Variants in ECHDC2 observed in about 807,000 individuals in gnomAD.
The protein encoded by ECHDC2 is enoyl-CoA hydratase domain-containing protein 2, mitochondrial.
In ECHDC2, 34 loss-of-function variants were observed where a neutral mutation model predicts 40.6. The ratio of observed to expected loss-of-function variants is 0.84; its 90% confidence interval spans 0.64 to 1.11. The LOEUF (loss-of-function observed/expected upper bound fraction) is 1.11, where lower values mean the gene tolerates loss of function less well. Among genes scored for constraint, ECHDC2 ranks in the 50% most tolerant of loss-of-function variants. The probability of loss-of-function intolerance (pLI) is 0.00; values close to 1 mark genes in which losing one functional copy is unlikely to be tolerated. For missense variants in ECHDC2, 392 were observed against 400.7 expected (o/e 0.98, Z 0.19); for synonymous variants, 162 against 166.6 (o/e 0.97, Z 0.21).
rs765862095 is a variant in ECHDC2 at position 52,921,666 on chromosome 1, C to G, written c.8G>C (p.Arg3Pro). The G allele has an allele frequency of 2.2e-5, 35 of 1,570,718 alleles. No individual in the cohort carries two copies. Among genetic ancestry groups the G allele is most frequent in the Non-Finnish European group, 2.9e-5 (34 of 1,160,420 alleles). ...CCAGGGGCGCAGGAGGCACAGAACG[C>G]GCAGCATCGGGGCGCAGGCTGGGAG... ML[R>P]VLCLLRPWRP... The change falls in exon 1 of 10, where the codon CGC (arginine) becomes CCC (proline). Residue 3 changes from arginine (R) to proline (P), a missense_variant. Transcript: ENST00000371522.
At chr1:52,901,717 T>A (rs1032317534) in intron 7 of ECHDC2, 2 of 152,200 alleles carry the variant, frequency 1.3e-5, no homozygotes, top group Non-Finnish European at 2.9e-5. Context: ...CCAGTACTTG[T>A]TTTTGGTAGA....
intron 7 of ECHDC2, among the ~76,000 whole-genome samples, chr1:52,903,429 T>G (rs535213411): frequency 1.3e-5 from 2 of 152,020 alleles, no homozygotes; most frequent in East Asian, 2.0e-4. Context: ...GTTTTTTGGT[T>G]GTTTTTTTTG....
At chr1:52,921,424 G>C (rs1015063353) in intron 1 of ECHDC2, 129 bp downstream of exon 1, 21 of 1,431,566 alleles carry the variant, frequency 1.5e-5, no homozygotes, top group Admixed American at 5.5e-5. Context: ...GGTTTGGGGC[G>C]CCTAGAACTG....
Position 52,919,137 on chromosome 1 carries a change from G to A in ECHDC2, c.121+2416C>T, listed in dbSNP as rs575480378. 3.7e-4 allele frequency among the ~76,000 whole-genome samples: 56 copies of A among 152,112 alleles called. 1 individual carries two copies. Among genetic ancestry groups the A allele is most frequent in the South Asian group, 4.2e-4 (2 of 4,810 alleles). On this transcript the variant is annotated intron_variant, in intron 1 of 9. Transcript: ENST00000371522. ...AGTTTCATCCCCAAACCATCTGTCC[G>A]CCCGCAAGTCCATGGAAAAACTGTC...
At position 52,921,607 on chromosome 1, in the gene ECHDC2, C is replaced by G. The variant is rs1454104966; in HGVS notation, c.67G>C (p.Gly23Arg). ...PLRARGCASDGAAGGSEIQVR... is the reference protein window; with the variant it reads ...PLRARGCASDRAAGGSEIQVR... Reference sequence around the variant, plus strand: ...TGGATCTCTGAGCCCCCGGCCGCCCCGTCGGAAGCGCAGCCGCGGGCCCGA... The same window carrying G: ...TGGATCTCTGAGCCCCCGGCCGCCCGGTCGGAAGCGCAGCCGCGGGCCCGA... The change falls in exon 1 of 10, where the codon GGG (glycine) becomes CGG (arginine). Residue 23 changes from glycine to arginine, a missense_variant. Physicochemically the swap from Gly to Arg is moderately radical, Grantham distance 125. Coordinates refer to ENST00000371522, the MANE Select transcript of ECHDC2 (RefSeq NM_001198961.2). The G allele has an allele frequency of 3.7e-6, 6 of 1,602,916 alleles. No homozygotes were observed. Among genetic ancestry groups the G allele is most frequent in the Non-Finnish European group, 5.1e-6 (6 of 1,175,558 alleles).
At chr1:52,919,235 T>A (rs981951915) in intron 1 of ECHDC2, among the ~76,000 whole-genome samples, 4 of 152,148 alleles carry the variant, frequency 2.6e-5, no homozygotes, top group African/African-American at 9.7e-5. Context: ...CACCATTCAC[T>A]CGCTGACTCA....
chr1:52,907,829 C>G, intron 4 of ECHDC2, 39 bp downstream of exon 4: 1 of 1,548,546 alleles, frequency 6.5e-7, no homozygotes, highest in Non-Finnish European at 8.9e-7. Flanking sequence ...CGGCAGGGAC[C>G]CCCAAACCCC....
At chr1:52,921,744 G>A (rs1651956991), upstream of ECHDC2, 3 of 1,423,744 alleles carry the variant, frequency 2.1e-6, no homozygotes, top group Admixed American at 6.0e-5. Context: ...AGAGCTCGCA[G>A]TTCCGGCGTC....
At chr1:52,916,775 A>C (rs1650764878) in intron 1 of ECHDC2, among the ~76,000 whole-genome samples, 2 of 152,182 alleles carry the variant, frequency 1.3e-5, no homozygotes, top group East Asian at 1.9e-4. Context: ...GATGCTGGGA[A>C]CATTGCCCTT....
rs747376367 is a variant in ECHDC2, at chr1:52,896,495, C to T, written c.*25G>A. On this transcript the variant is annotated 3_prime_UTR_variant, in exon 10 of 10. Transcript: ENST00000371522. ...ATCCTGCTCTTCAGGGCATGCATCT[C>T]CCATGCTGAAGGTTAAAATGGGGGT... is the stretch of plus-strand genomic sequence containing the variant. 1 of 1,596,292 alleles carries T rather than the reference C, an allele frequency of 6.3e-7. No homozygotes were observed. The highest frequency in any genetic ancestry group is 8.6e-7 in the Non-Finnish European group (1 of 1,163,730).
At chr1:52,902,877 A>G (rs1462863720) in intron 7 of ECHDC2, among the ~76,000 whole-genome samples, 1 of 152,064 alleles carries the variant, frequency 6.6e-6, no homozygotes, top group African/African-American at 2.4e-5. Context: ...GGGTTTTCTC[A>G]CAGATAAAAT....
At chr1:52,920,744 TAA>T (rs377364432) in intron 1 of ECHDC2, 564 of 449,172 alleles carry the variant, frequency 1.3e-3, no homozygotes, top group East Asian at 1.9e-3. Context: ...AAACTTTTGT[TAA>T]AAAAAAAAAA....
intron 1 of ECHDC2, 101 bp downstream of exon 1, chr1:52,921,452 A>C: frequency 2.7e-6 from 4 of 1,459,744 alleles, no homozygotes; most frequent in Non-Finnish European, 3.6e-6. Context: ...GGGACTGGGG[A>C]TCGAATCCTT....
Position 52,903,449 on chromosome 1 carries a change from TTTTG to T in ECHDC2, c.702+1193_702+1196del, listed in dbSNP as rs144508487. On this transcript the variant is annotated intron_variant, in intron 7 of 9. Transcript: ENST00000371522. ...TTGGTTGTTTTTTTTGGCTTTTTGT[TTTTG>T]TTTGTTTGTTTTTAGCAACGGGATT... Among the ~76,000 whole-genome samples, 1,393 of 152,056 alleles carry T rather than the reference TTTTG, an allele frequency of 9.2e-3. 91 individuals carry two copies. The East Asian group carries it at 0.19, about 21-fold the overall frequency.
intron 1 of ECHDC2, chr1:52,912,318 C>G (rs1649737032): frequency 6.5e-6 from 1 of 154,974 alleles, no homozygotes; most frequent in African/African-American, 2.4e-5. Context: ...AGCAATTCTC[C>G]TCCCTCAACC....
chr1:52,896,685 G>A lies in ECHDC2; in HGVS notation c.802-88C>T. On this transcript the variant is annotated intron_variant, in intron 9 of 9. Transcript: ENST00000371522. ...TTAAGCTTGTCCAGCCCAAGACAAG[G>A]CCAGGGTCCAAGTGTTTCCATTGTC... 5 of 1,085,796 alleles carry A rather than the reference G, an allele frequency of 4.6e-6. No individual in the cohort carries two copies. The South Asian group carries it at 6.3e-5, about 14-fold the overall frequency. 67.3% of individuals were successfully genotyped at this position (1,085,796 alleles called of 1,614,324 possible).
intron 4 of ECHDC2, chr1:52,907,625 G>A (rs906894978): frequency 2.0e-5 from 9 of 456,042 alleles, no homozygotes; most frequent in African/African-American, 1.8e-4. Context: ...AAACTTAACT[G>A]CTTTGGAATG....
At chr1:52,921,307 G>A (rs1338500920) in intron 1 of ECHDC2, 4 of 815,628 alleles carry the variant, frequency 4.9e-6, no homozygotes, top group Non-Finnish European at 6.8e-6. Flanking sequence ...CCACACAGTC[G>A]GAAGACCCCA....
chr1:52,896,675 C>T, intron 9 of ECHDC2, 78 bp from the exon 10 acceptor site: 1 of 1,195,582 alleles, frequency 8.4e-7, no homozygotes, highest in South Asian at 1.2e-5. Flanking sequence ...CTTGTCCAGC[C>T]CAAGACAAGG....
Sources: gnomAD v4.1 joint callset for allele counts (sites outside exome capture counted in the v4.1 genomes callset) on GRCh38, gnomAD v4.1.1 for gene constraint, MANE v1.5 for transcripts, NCBI Gene and HGNC (gene_info 2026-07-23, HGNC 2026-07-21) for gene names.